CRNKL1: variants seen among roughly 807,000 people sequenced by gnomAD.
CRNKL1 encodes the protein crooked neck pre-mRNA splicing factor 1.
CRNKL1 carries 35 observed loss-of-function variants against 103.7 expected under a neutral mutation model. The ratio of observed to expected loss-of-function variants is 0.34; its 90% confidence interval spans 0.26 to 0.45. CRNKL1 has a LOEUF of 0.45. Among genes scored for constraint, CRNKL1 ranks in the 20% least tolerant of loss-of-function variants. The probability of loss-of-function intolerance (pLI) is 1.00; values close to 1 mark genes in which losing one functional copy is unlikely to be tolerated. For missense variants in CRNKL1, 645 were observed against 836.0 expected, an observed-to-expected ratio of 0.77 and a Z score of 2.82; for synonymous variants, 267 against 282.6, an observed-to-expected ratio of 0.94 and a Z score of 0.55.
At position 20,038,249 on chromosome 20, in the gene CRNKL1, A is replaced by C. The variant is rs539750382; in HGVS notation, c.1647+100T>G. 540 of 729,626 alleles carry C rather than the reference A, an allele frequency of 7.4e-4. 4 individuals are homozygous for C. The African/African-American group carries it at 8.6e-3, about 12-fold the overall frequency. 45.2% of individuals were successfully genotyped at this position (729,626 alleles called of 1,614,324 possible). On this transcript the variant is annotated intron_variant, in intron 12 of 13. Transcript: ENST00000536226. ...AGCAAGGAAGTCATTAAAAAAAAAA[A>C]AAAAACAAAAACCCAAACACTTAAA...
upstream of CRNKL1, chr20:20,052,570 G>T: frequency 6.2e-7 from 1 of 1,613,936 alleles, no homozygotes; most frequent in Non-Finnish European, 8.5e-7. Context: ...GTGGAGTGCG[G>T]CGTCCTGGAG....
chr20:20,049,566 T>G, intron 2 of CRNKL1, 135 bp from the exon 3 acceptor site: 1 of 585,160 alleles, frequency 1.7e-6, no homozygotes. Flanking sequence ...CCTGGAATCC[T>G]TGAGGAATAA....
At chr20:20,054,044 GTATTATCCTTCTTAC>G (rs1555826099), upstream of CRNKL1, among the ~76,000 whole-genome samples, 1 of 93,688 alleles carries the variant, frequency 1.1e-5, no homozygotes, top group Non-Finnish European at 2.1e-5. Flanking sequence ...TAGGAAAAAT[GTATTATCCTTCTTAC>G]TTTTTGCCAT....
At chr20:20,055,578 C>A (rs1442769772), upstream of CRNKL1, among the ~76,000 whole-genome samples, 1 of 152,130 alleles carries the variant, frequency 6.6e-6, no homozygotes, top group Non-Finnish European at 1.5e-5. Flanking sequence ...CCCTCGCTCG[C>A]TTTCTTTCTT....
intron 13 of CRNKL1, 83 bp from the exon 14 acceptor site, chr20:20,036,445 G>T: frequency 7.8e-7 from 1 of 1,275,692 alleles, no homozygotes; most frequent in Non-Finnish European, 1.1e-6. Flanking sequence ...CTGGAAATCC[G>T]GATGATTACC....
chr20:20,052,695 ACGAGTGGCTCTGTCGAGC>A, upstream of CRNKL1: 18 of 1,612,528 alleles, frequency 1.1e-5, no homozygotes, highest in Non-Finnish European at 1.5e-5. Context: ...CCAGGCGAGG[ACGAGTGGCTCTGTCGAGC>A]CGTGGCGCCC....
chr20:20,041,487 T>C, intron 9 of CRNKL1, 79 bp downstream of exon 9: 1 of 1,118,424 alleles, frequency 8.9e-7, no homozygotes. Flanking sequence ...TCAATCAATA[T>C]TATTTCACTG....
chr20:20,047,528 T>C (rs6081847), intron 5 of CRNKL1, among the ~76,000 whole-genome samples: 50,200 of 152,052 alleles, frequency 0.33, 9,953 homozygotes, highest in Non-Finnish European at 0.44. Context: ...CATTAGCTTT[T>C]AGCATTACAA....
chr20:20,052,587 A>G (rs751416259), upstream of CRNKL1: 4 of 1,613,782 alleles, frequency 2.5e-6, no homozygotes, highest in Admixed American at 1.7e-5. Context: ...GGAGCTGCGG[A>G]TGAGGTGGGT....
intron 6 of CRNKL1, among the ~76,000 whole-genome samples, 163 bp from the exon 7 acceptor site, chr20:20,043,825 C>G (rs2043553809): frequency 6.6e-6 from 1 of 152,066 alleles, no homozygotes; most frequent in Non-Finnish European, 1.5e-5. Context: ...TTATCTCTGT[C>G]AGGATGGACC....
chr20:20,041,619 C>T lies in CRNKL1; in HGVS notation c.1171G>A (p.Glu391Lys), dbSNP rs1399301302. The T allele has an allele frequency of 1.2e-6, 2 of 1,612,336 alleles. No homozygotes were observed. The highest frequency in any genetic ancestry group is 3.3e-5 in the Admixed American group (2 of 60,020). ...GCTTGATACACCTGTCTTGTCCTCT[C>T]AGGATCCTGTATTAGGATAAGAAAT... ...LYEELEAKDP[E>K]RTRQVYQASL... Residue 391 changes from glutamate (E) to lysine (K), a missense_variant, in exon 9 of 14, where the codon GAG (glutamate) becomes AAG (lysine). Transcript: ENST00000536226.
At chr20:20,037,921 A>G (rs142884477) in intron 12 of CRNKL1, among the ~76,000 whole-genome samples, 1 of 152,172 alleles carries the variant, frequency 6.6e-6, no homozygotes, top group African/African-American at 2.4e-5. Flanking sequence ...CCCTGTCTCT[A>G]TTAAAAATAG....
At chr20:20,055,445 C>G (rs2044236661), upstream of CRNKL1, among the ~76,000 whole-genome samples, 3 of 152,226 alleles carry the variant, frequency 2.0e-5, no homozygotes, top group South Asian at 6.2e-4. Flanking sequence ...ACCGAGGGGC[C>G]CATCCAAAGT....
chr20:20,046,339 C>T (rs1358342276), intron 5 of CRNKL1, among the ~76,000 whole-genome samples: 1 of 152,136 alleles, frequency 6.6e-6, no homozygotes, highest in Non-Finnish European at 1.5e-5. Context: ...TGGCACGTAG[C>T]AAGTGCTATA....
chr20:20,039,970 C>T (rs1186454845), intron 10 of CRNKL1, 122 bp from the exon 11 acceptor site: 1 of 958,488 alleles, frequency 1.0e-6, no homozygotes, highest in East Asian at 2.5e-5. Flanking sequence ...CATGGCCTAC[C>T]ATTCTTTCCC....
At chr20:20,052,713 C>G (rs1364697059), upstream of CRNKL1, 5 of 1,608,662 alleles carry the variant, frequency 3.1e-6, no homozygotes, top group Non-Finnish European at 4.2e-6. Flanking sequence ...CTCTGTCGAG[C>G]CGTGGCGCCC....
intron 1 of CRNKL1, 129 bp downstream of exon 1, chr20:20,052,163 C>T (rs572615660): frequency 2.4e-6 from 2 of 820,704 alleles, no homozygotes; most frequent in South Asian, 1.8e-5. Context: ...ACCAGCTGCC[C>T]TTCCTCTCCA....
chr20:20,050,529 G>A lies in CRNKL1; in HGVS notation c.145C>T (p.Pro49Ser), dbSNP rs2043673733. Residue 49 changes from proline to serine, a missense_variant, in exon 2 of 14, where the codon CCT (proline) becomes TCT (serine). This residue lies in a region of CRNKL1 where 63 missense variants were observed against 128.3 expected (regional missense o/e 0.49). Transcript: ENST00000536226. ...ERELELLPPP[P>S]QQKITDEEEL... ...TCTTCATCTGTGATCTTCTGTTGAGGTGGAGGTGGAAGAAGCTCAAGTTCT... is the reference window on the plus strand; with the variant it reads ...TCTTCATCTGTGATCTTCTGTTGAGATGGAGGTGGAAGAAGCTCAAGTTCT... 4 of 1,613,838 alleles carry A rather than the reference G, an allele frequency of 2.5e-6. No homozygotes were observed. The highest frequency in any genetic ancestry group is 2.5e-6 in the Non-Finnish European group (3 of 1,179,804).
intron 7 of CRNKL1, 90 bp from the exon 8 acceptor site, chr20:20,042,606 C>G: frequency 8.1e-7 from 1 of 1,232,582 alleles, no homozygotes. Context: ...ATCAGGCTGA[C>G]TTTCTATATT....
Sources: allele counts gnomAD v4.1 joint callset (sites outside exome capture counted in the v4.1 genomes callset), GRCh38; gene constraint gnomAD v4.1.1; regional missense constraint gnomAD v4.1.1; transcripts MANE v1.5; gene names NCBI Gene and HGNC (gene_info 2026-07-23, HGNC 2026-07-21).